PLXNA2: variants seen among roughly 807,000 people sequenced by gnomAD.
PLXNA2 encodes the protein plexin-A2.
In PLXNA2, 91 loss-of-function variants were observed where a neutral mutation model predicts 193.5. That is an observed-to-expected ratio of 0.47 (90% CI 0.40 to 0.56). The LOEUF (loss-of-function observed/expected upper bound fraction) is 0.56. Among genes scored for constraint, PLXNA2 ranks in the 20% least tolerant of loss-of-function variants. PLXNA2 has a pLI of 0.00. For missense variants in PLXNA2, 1,995 were observed against 2,503.2 expected (o/e 0.80, Z 4.33); for synonymous variants, 997 against 1,027.3 (o/e 0.97, Z 0.56).
chr1:208,118,006 A>G (rs1191072005), intron 4 of PLXNA2, among the ~76,000 whole-genome samples: 3 of 152,170 alleles, frequency 2.0e-5, no homozygotes, highest in East Asian at 1.9e-4. Flanking sequence ...TCCAGGCAAA[A>G]CTTTACTCAT....
chr1:208,166,105 A>G (rs984988026), intron 3 of PLXNA2, among the ~76,000 whole-genome samples: 12 of 152,236 alleles, frequency 7.9e-5, no homozygotes, highest in Non-Finnish European at 1.3e-4. Flanking sequence ...TCATAAGGGC[A>G]GATTATGTTT....
At position 208,113,875 on chromosome 1, in the gene PLXNA2, G is replaced by A. The variant is rs75078327; in HGVS notation, c.1507-10628C>T. On this transcript the variant is annotated intron_variant, in intron 4 of 31. Transcript: ENST00000367033. The stretch of plus-strand genomic sequence containing the variant: ...CCAGCCCCAAATGGCCTTTTTTAAT[G>A]TAAAGTGCTTATGGCCTTTTTAAGC... 2.4e-4 allele frequency among the ~76,000 whole-genome samples: 36 copies of A among 152,198 alleles called. No individual in the cohort carries two copies. The East Asian group carries it at 5.0e-3, about 21-fold the overall frequency.
At chr1:208,155,494 T>C (rs1668910733) in intron 3 of PLXNA2, among the ~76,000 whole-genome samples, 2 of 152,226 alleles carry the variant, frequency 1.3e-5, no homozygotes, top group African/African-American at 2.4e-5. Context: ...CTAGGATTTT[T>C]TTCTCTTAAA....
rs1157808120 is a variant in PLXNA2, at chr1:208,022,301, T to A, written c.*4942A>T. ...AAACTTTATTTATATATAACAACAG[T>A]ACAAATTGTGTCCTCAGCTTGCAAA... is the stretch of plus-strand genomic sequence containing the variant. On this transcript the variant is annotated 3_prime_UTR_variant, in exon 32 of 32. Transcript: ENST00000367033. 6.6e-6 allele frequency: 1 copy of A among 152,480 alleles called. No homozygotes were observed. The highest frequency in any genetic ancestry group is 1.5e-5 in the Non-Finnish European group (1 of 68,012). The allele number at this position is 152,480 out of a possible 1,614,324, so 9.4% of individuals were successfully genotyped here.
chr1:208,059,861 T>TG (rs369215957), intron 13 of PLXNA2, among the ~76,000 whole-genome samples: 3 of 151,976 alleles, frequency 2.0e-5, no homozygotes, highest in Non-Finnish European at 2.9e-5. Flanking sequence ...CTGGCTCCGG[T>TG]GGGGGGGATC....
At chr1:208,176,283 G>A (rs996823410) in intron 3 of PLXNA2, among the ~76,000 whole-genome samples, 4 of 152,074 alleles carry the variant, frequency 2.6e-5, no homozygotes, top group African/African-American at 9.7e-5. Flanking sequence ...CATTTCCACG[G>A]GCATGGGTAA....
At chr1:208,157,659 A>C (rs1271512639) in intron 3 of PLXNA2, among the ~76,000 whole-genome samples, 1 of 152,194 alleles carries the variant, frequency 6.6e-6, no homozygotes, top group Non-Finnish European at 1.5e-5. Flanking sequence ...ACTAATAAAA[A>C]TTCATAGACT....
At chr1:208,226,195 C>T (rs542039861) in intron 1 of PLXNA2, among the ~76,000 whole-genome samples, 1 of 152,292 alleles carries the variant, frequency 6.6e-6, no homozygotes, top group East Asian at 1.9e-4. Context: ...GCAGAGTGGA[C>T]CCTACCCTTT....
At chr1:208,095,540 A>C (rs1486650019) in intron 8 of PLXNA2, among the ~76,000 whole-genome samples, 1 of 152,178 alleles carries the variant, frequency 6.6e-6, no homozygotes, top group Non-Finnish European at 1.5e-5. Context: ...CTCCCCATCC[A>C]GGTCTTTTTA....
Position 208,186,708 on chromosome 1 carries a change from A to ATTTTGTTTTTTGTTTTTTGTTTTT in PLXNA2, c.1371+23571_1371+23572insAAAAACAAAAAACAAAAAACAAAA, listed in dbSNP as rs368056918. Among the ~76,000 whole-genome samples, 35 of 111,726 alleles carry ATTTTGTTTTTTGTTTTTTGTTTTT rather than the reference A, an allele frequency of 3.1e-4. 3 individuals carry two copies. Among genetic ancestry groups the ATTTTGTTTTTTGTTTTTTGTTTTT allele is most frequent in the African/African-American group, 7.5e-4 (25 of 33,264 alleles). The allele number at this position is 111,726 out of a possible 152,430, so 73.3% of individuals were successfully genotyped here. Reference sequence around the variant, plus strand: ...GGGCTGTCCTGGGAATTGCAATGTTATTTTATTTTTTTTTTTTTTTTTGAG... The same window carrying ATTTTGTTTTTTGTTTTTTGTTTTT: ...GGGCTGTCCTGGGAATTGCAATGTTATTTTGTTTTTTGTTTTTTGTTTTTTTTTATTTTTTTTTTTTTTTTTGAG... On this transcript the variant is annotated intron_variant, in intron 3 of 31. Coordinates refer to ENST00000367033, the MANE Select transcript of PLXNA2 (RefSeq NM_025179.4).
chr1:208,061,297 C>T (rs1665611946), intron 12 of PLXNA2, among the ~76,000 whole-genome samples: 1 of 152,110 alleles, frequency 6.6e-6, no homozygotes, highest in South Asian at 2.1e-4. Context: ...AACCAGAGGG[C>T]TTTGTAATTG....
Position 208,043,192 on chromosome 1 carries a change from G to A in PLXNA2, c.3886C>T (p.Leu1296Phe). 1 of 1,614,026 alleles carries A rather than the reference G, an allele frequency of 6.2e-7. No homozygotes were observed. The highest frequency in any genetic ancestry group is 8.5e-7 in the Non-Finnish European group (1 of 1,179,940). ...ALECKEAFAE[L>F]QTDINELTSD... ...GTCAACTCATTGATATCCGTCTGGAGCTCAGCAAAAGCTATGAGAATAAGC... is the reference window on the plus strand; with the variant it reads ...GTCAACTCATTGATATCCGTCTGGAACTCAGCAAAAGCTATGAGAATAAGC... The change falls in exon 21 of 32, where the codon CTC (leucine) becomes TTC (phenylalanine). Residue 1296 changes from leucine (L) to phenylalanine (F), a missense_variant. Physicochemically the swap from Leu to Phe is conservative, Grantham distance 22. This residue lies in a region of PLXNA2 where 1,291 missense variants were observed against 1,673.6 expected (regional missense o/e 0.77). Coordinates refer to ENST00000367033, the MANE Select transcript of PLXNA2 (RefSeq NM_025179.4).
rs372234233 is a variant in PLXNA2, at chr1:208,098,851, G to A, written c.1726C>T (p.Arg576Trp). ...PSSISVSEHS[R>W]LLSLVVSDAP... ...CCCCTGGATGAGTTACTTACCAACC[G>A]GCTGTGCTCAGATACTGAGATGCTG... The change falls in exon 6 of 32, where the codon CGG becomes TGG. Residue 576 changes from arginine (R) to tryptophan (W), a missense_variant. Physicochemically the swap from Arg to Trp is moderately radical, Grantham distance 101. Around this residue, in one of 3 missense-constraint regions of PLXNA2, gnomAD observed 702 missense variants for 812.9 expected, o/e 0.86. Transcript: ENST00000367033. The A allele has an allele frequency of 2.1e-5, 34 of 1,613,496 alleles. No homozygotes were observed. The highest frequency in any genetic ancestry group is 2.6e-5 in the Non-Finnish European group (31 of 1,179,852).
In PLXNA2 at chr1:208,041,386, TC is replaced by T. The variant is rs534022680; in HGVS notation, c.4286+711del. 2.6e-5 allele frequency among the ~76,000 whole-genome samples: 4 copies of T among 152,138 alleles called. No homozygotes were observed. The South Asian group carries it at 8.3e-4, about 32-fold the overall frequency. ...AGGGTGGGCTCAGGGGATACTGAGGTCTCCAACCCTCTCCCCTGCCAGGAAA... is the reference window on the plus strand; with the variant it reads ...AGGGTGGGCTCAGGGGATACTGAGGTTCCAACCCTCTCCCCTGCCAGGAAA... On this transcript the variant is annotated intron_variant, in intron 22 of 31. Coordinates refer to ENST00000367033, the MANE Select transcript of PLXNA2 (RefSeq NM_025179.4).
At chr1:208,101,811 G>A (rs1394419724) in intron 5 of PLXNA2, among the ~76,000 whole-genome samples, 1 of 152,196 alleles carries the variant, frequency 6.6e-6, no homozygotes, top group African/African-American at 2.4e-5. Context: ...TGGGGAGTAG[G>A]AGGTACCGCT....
intron 17 of PLXNA2, among the ~76,000 whole-genome samples, chr1:208,049,945 T>A (rs568073401): frequency 1.2e-4 from 19 of 152,258 alleles, no homozygotes; most frequent in African/African-American, 3.4e-4. Flanking sequence ...ATAATGGCCA[T>A]AGTAGCATCT....
Position 208,038,468 on chromosome 1 carries a change from C to T in PLXNA2, c.4667G>A (p.Arg1556His), listed in dbSNP as rs200636622. 1.8e-4 allele frequency: 287 copies of T among 1,613,586 alleles called. 1 individual carries two copies. Among genetic ancestry groups the T allele is most frequent in the Non-Finnish European group, 2.2e-4 (261 of 1,179,698 alleles). Reference sequence around the variant, plus strand: ...CACGACCCGGGCGATCCGGCCTTGGCGCCACTCTGGGTGGAGGGGGTGGTG... The same window carrying T: ...CACGACCCGGGCGATCCGGCCTTGGTGCCACTCTGGGTGGAGGGGGTGGTG... ...PRAVDMDLEW[R>H]QGRIARVVLQ... Residue 1556 changes from arginine to histidine, a missense_variant, in exon 26 of 32, where the codon CGC becomes CAC. By Grantham distance (29) the Arg-to-His change is conservative. Transcript: ENST00000367033. The surrounding 1 kb of genome is among the most constrained non-coding windows in gnomAD (Gnocchi z 4.1).
In PLXNA2 at chr1:208,060,710, G is replaced by A. The variant is rs779406769; in HGVS notation, c.2714C>T (p.Pro905Leu). Residue 905 changes from proline to leucine, a missense_variant, in exon 13 of 32, where the codon CCA becomes CTA. Pro to Leu is a moderately conservative substitution (Grantham distance 98). Around this residue, in one of 3 missense-constraint regions of PLXNA2, gnomAD observed 1,291 missense variants for 1,673.6 expected, o/e 0.77. Transcript: ENST00000367033. Reference protein sequence around the residue: ...QVAGVPCTPLPGEYIIAEQIV... With the variant: ...QVAGVPCTPLLGEYIIAEQIV... ...CTGCTCAGCGATGATGTATTCCCCT[G>A]GGAGGGGCGTGCAGGGCACCCCAGC... 3 of 1,613,940 alleles carry A rather than the reference G, an allele frequency of 1.9e-6. No individual in the cohort carries two copies. The highest frequency in any genetic ancestry group is 4.5e-5 in the East Asian group (2 of 44,862).
At chr1:208,207,332 C>A (rs564703523) in intron 3 of PLXNA2, among the ~76,000 whole-genome samples, 4 of 152,318 alleles carry the variant, frequency 2.6e-5, no homozygotes, top group Non-Finnish European at 4.4e-5. Flanking sequence ...GGGACTTAAC[C>A]TTATTCTGTC....
Sources: allele counts gnomAD v4.1 joint callset (sites outside exome capture counted in the v4.1 genomes callset), GRCh38; gene constraint gnomAD v4.1.1; regional missense constraint gnomAD v4.1.1; non-coding constraint Gnocchi (gnomAD v3.1); transcripts MANE v1.5; gene names NCBI Gene and HGNC (gene_info 2026-07-23, HGNC 2026-07-21).